Variants in PLCB1 observed in about 807,000 individuals in gnomAD.
PLCB1 encodes phospholipase C beta 1.
A neutral mutation model predicts 161.8 loss-of-function variants in PLCB1; 46 were observed. The observed-to-expected ratio is 0.28, with a 90% CI of 0.22 to 0.36. PLCB1 has a LOEUF of 0.36. Among genes scored for constraint, PLCB1 ranks in the 10% least tolerant of loss-of-function variants. The probability of loss-of-function intolerance (pLI) is 1.00; values close to 1 mark genes in which losing one functional copy is unlikely to be tolerated. For missense variants in PLCB1, 1,016 were observed against 1,472.5 expected (o/e 0.69, Z 5.07); for synonymous variants, 517 against 503.7 (o/e 1.03, Z -0.35).
chr20:8,865,388 T>C (rs946231848), intron 31 of PLCB1, among the ~76,000 whole-genome samples: 1 of 152,202 alleles, frequency 6.6e-6, no homozygotes, highest in Admixed American at 6.5e-5. Flanking sequence ...CTAATAAAGA[T>C]TAATCATAAA....
rs1268957184 is a variant in PLCB1, at chr20:8,644,703, TGG to T, written c.385-1393_385-1392del. 4.1e-5 allele frequency among the ~76,000 whole-genome samples: 6 copies of T among 144,792 alleles called. No individual in the cohort carries two copies. In the South Asian group the frequency reaches 1.1e-3, roughly 27 times the overall value. The allele number at this position is 144,792 out of a possible 152,430, so 95.0% of individuals were successfully genotyped here. A position where few individuals can be genotyped will look rare whatever the true frequency, so the allele number is the denominator to read the frequency against. ...GCAGCCGCCCCGTCCGGGAGGGAGG[TGG>T]GGGGGTCAGCCCCCCGCCCTGCCAG... On this transcript the variant is annotated intron_variant, in intron 4 of 31. Coordinates refer to ENST00000338037, the MANE Select transcript of PLCB1 (RefSeq NM_015192.4).
chr20:8,476,105 G>A (rs1250748373), intron 3 of PLCB1, among the ~76,000 whole-genome samples: 1 of 152,200 alleles, frequency 6.6e-6, no homozygotes, highest in African/African-American at 2.4e-5. Flanking sequence ...AAAACACTGT[G>A]TCTTGGCCCC....
intron 20 of PLCB1, among the ~76,000 whole-genome samples, chr20:8,738,947 C>T (rs920215955): frequency 1.3e-5 from 2 of 152,050 alleles, no homozygotes; most frequent in Non-Finnish European, 1.5e-5. Flanking sequence ...GTCGGGAGTT[C>T]GAGACCAGCC....
At chr20:8,141,418 G>A (rs1336687830) in intron 1 of PLCB1, among the ~76,000 whole-genome samples, 3 of 151,812 alleles carry the variant, frequency 2.0e-5, no homozygotes, top group African/African-American at 7.3e-5. Context: ...GAGGTCAGGA[G>A]TTCAAGACCA....
intron 3 of PLCB1, among the ~76,000 whole-genome samples, chr20:8,577,151 C>A (rs911296229): frequency 6.6e-6 from 1 of 151,934 alleles, no homozygotes; most frequent in African/African-American, 2.4e-5. Context: ...GTCTTGAGGC[C>A]GGATGCGGTG....
Position 8,385,845 on chromosome 20 carries a change from G to A in PLCB1, c.246+14395G>A, listed in dbSNP as rs537918077. Among the ~76,000 whole-genome samples the A allele has an allele frequency of 3.3e-5, 5 of 152,310 alleles. No homozygotes were observed. In the South Asian group the frequency reaches 6.2e-4, roughly 19 times the overall value. ...CTCCATGGATCATGCCAGCTGCCTCGTCAGTTCCGATGAGAGAACCTGGAT... is the reference window on the plus strand; with the variant it reads ...CTCCATGGATCATGCCAGCTGCCTCATCAGTTCCGATGAGAGAACCTGGAT... On this transcript the variant is annotated intron_variant, in intron 3 of 31. Transcript: ENST00000338037.
At chr20:8,320,830 A>G (rs200477826) in intron 2 of PLCB1, among the ~76,000 whole-genome samples, 9 of 131,420 alleles carry the variant, frequency 6.8e-5, no homozygotes, top group Non-Finnish European at 1.4e-4. Context: ...AGGGAGGGAG[A>G]GAGGGAGGGA....
At chr20:8,158,416 A>G (rs1490378088) in intron 2 of PLCB1, among the ~76,000 whole-genome samples, 1 of 152,156 alleles carries the variant, frequency 6.6e-6, no homozygotes, top group Non-Finnish European at 1.5e-5. Context: ...TGGGCAGTTT[A>G]CAAAAGAAAG....
chr20:8,787,320 A>G (rs1039534351), intron 27 of PLCB1, among the ~76,000 whole-genome samples: 1 of 152,120 alleles, frequency 6.6e-6, no homozygotes, highest in African/African-American at 2.4e-5. Context: ...CTGTGGCTCC[A>G]CCTCAGTGTG....
intron 31 of PLCB1, among the ~76,000 whole-genome samples, chr20:8,878,750 C>A (rs965877825): frequency 8.0e-5 from 12 of 149,980 alleles, no homozygotes; most frequent in African/African-American, 2.2e-4. Context: ...TTTTATTTTT[C>A]TTTGATATTT....
intron 31 of PLCB1, among the ~76,000 whole-genome samples, chr20:8,833,051 T>A (rs899456769): frequency 6.6e-6 from 1 of 152,192 alleles, no homozygotes; most frequent in Admixed American, 6.5e-5. Context: ...AAAAGAGATA[T>A]TTAAAGATGT....
chr20:8,346,519 C>T (rs1446564199), intron 2 of PLCB1, among the ~76,000 whole-genome samples: 1 of 152,210 alleles, frequency 6.6e-6, no homozygotes, highest in African/African-American at 2.4e-5. Flanking sequence ...ACACAGCTCA[C>T]ATTGTACCTT....
intron 1 of PLCB1, among the ~76,000 whole-genome samples, chr20:8,146,682 T>C (rs2051457589): frequency 6.6e-6 from 1 of 152,228 alleles, no homozygotes; most frequent in Non-Finnish European, 1.5e-5. Flanking sequence ...TTGTTTCTCA[T>C]TCTTCAGGAT....
At chr20:8,487,994 G>T (rs536553011) in intron 3 of PLCB1, among the ~76,000 whole-genome samples, 1 of 152,290 alleles carries the variant, frequency 6.6e-6, no homozygotes, top group South Asian at 2.1e-4. Flanking sequence ...TGCCAGCACT[G>T]TCCAGGATAA....
At chr20:8,433,837 A>G (rs370619922) in intron 3 of PLCB1, among the ~76,000 whole-genome samples, 7 of 152,150 alleles carry the variant, frequency 4.6e-5, no homozygotes, top group African/African-American at 1.7e-4. Context: ...TAGATGCTCA[A>G]AATTTTTGAA....
At chr20:8,158,539 A>C (rs73080211) in intron 2 of PLCB1, among the ~76,000 whole-genome samples, 6,616 of 152,254 alleles carry the variant, frequency 0.043, 181 homozygotes, top group South Asian at 0.12. Context: ...ATATTTCAAA[A>C]CAAATCATGC....
intron 9 of PLCB1, among the ~76,000 whole-genome samples, chr20:8,660,652 T>C (rs1026903795): frequency 2.0e-5 from 3 of 152,144 alleles, no homozygotes; most frequent in African/African-American, 7.2e-5. Context: ...CTAGAAAAAC[T>C]GATTTTGATT....
intron 3 of PLCB1, among the ~76,000 whole-genome samples, chr20:8,522,085 A>C (rs1331336850): frequency 6.6e-6 from 1 of 152,170 alleles, no homozygotes; most frequent in Non-Finnish European, 1.5e-5. Flanking sequence ...TGTGATAGGC[A>C]GTCTGCTACT....
At chr20:8,382,346 G>A (rs1987283583) in intron 3 of PLCB1, among the ~76,000 whole-genome samples, 1 of 143,738 alleles carries the variant, frequency 7.0e-6, no homozygotes, top group African/African-American at 2.6e-5. Context: ...GCAGTGGTGT[G>A]ATCTCGGCTC....
Sources: gnomAD v4.1 joint callset for allele counts (sites outside exome capture counted in the v4.1 genomes callset) on GRCh38, gnomAD v4.1.1 for gene constraint, MANE v1.5 for transcripts, NCBI Gene and HGNC (gene_info 2026-07-23, HGNC 2026-07-21) for gene names.